Variants in ROBO2 observed in about 807,000 individuals in gnomAD.
ROBO2 encodes roundabout guidance receptor 2, also known as roundabout homolog 2.
Under a neutral mutation model 160.8 loss-of-function variants are expected in ROBO2, and 53 were observed. The ratio of observed to expected loss-of-function variants is 0.33; its 90% CI spans 0.26 to 0.41. The LOEUF (loss-of-function observed/expected upper bound fraction) is 0.41, where lower values mean the gene tolerates loss of function less well. Among genes scored for constraint, ROBO2 ranks in the 10% least tolerant of loss-of-function variants. The probability of loss-of-function intolerance (pLI) is 1.00; values close to 1 mark genes in which losing one functional copy is unlikely to be tolerated. For missense variants in ROBO2, 1,577 were observed against 1,722.4 expected, an observed-to-expected ratio of 0.92 and a Z score of 1.49; for synonymous variants, 664 against 611.7, an observed-to-expected ratio of 1.09 and a Z score of -1.26.
At chr3:76,213,343 T>G (rs1703272868) in intron 2 of ROBO2, among the ~76,000 whole-genome samples, 1 of 152,098 alleles carries the variant, frequency 6.6e-6, no homozygotes, top group African/African-American at 2.4e-5. Context: ...AACTAGTCTT[T>G]TAAAGAAGTG....
At chr3:76,298,762 C>T (rs1709211496) in intron 2 of ROBO2, among the ~76,000 whole-genome samples, 1 of 152,050 alleles carries the variant, frequency 6.6e-6, no homozygotes, top group Non-Finnish European at 1.5e-5. Flanking sequence ...GTCATAGAGC[C>T]AGGATTCCAT....
chr3:77,455,821 A>G (rs1381763693), intron 2 of ROBO2, among the ~76,000 whole-genome samples: 2 of 151,642 alleles, frequency 1.3e-5, no homozygotes, highest in Non-Finnish European at 2.9e-5. Flanking sequence ...CCATCATCCT[A>G]TATATCATCT....
intron 2 of ROBO2, among the ~76,000 whole-genome samples, chr3:76,104,809 T>C (rs562056706): frequency 1.1e-3 from 174 of 152,322 alleles, no homozygotes; most frequent in African/African-American, 2.6e-3. Flanking sequence ...GGAAGTGTTT[T>C]AGAGCAGTGA....
intron 2 of ROBO2, among the ~76,000 whole-genome samples, chr3:76,446,729 T>G (rs1355857026): frequency 6.6e-6 from 1 of 151,994 alleles, no homozygotes; most frequent in Non-Finnish European, 1.5e-5. Context: ...CCCTCAGAAA[T>G]AATACCACAC....
chr3:76,009,794 T>C (rs151122278), intron 2 of ROBO2, among the ~76,000 whole-genome samples: 5 of 152,228 alleles, frequency 3.3e-5, no homozygotes, highest in African/African-American at 1.2e-4. Flanking sequence ...TCCTTAAAGG[T>C]TGGCATGTAA....
At chr3:75,942,320 G>A (rs2107089119) in intron 2 of ROBO2, among the ~76,000 whole-genome samples, 1 of 152,198 alleles carries the variant, frequency 6.6e-6, no homozygotes, top group South Asian at 2.1e-4. Context: ...AGAGAGGTGA[G>A]CTCAGACATT....
chr3:77,088,334 C>A (rs1028851953), intron 1 of ROBO2, among the ~76,000 whole-genome samples: 2 of 152,122 alleles, frequency 1.3e-5, no homozygotes, highest in Non-Finnish European at 2.9e-5. Context: ...TTTTAAAGAT[C>A]TTTGCTGAAT....
intron 2 of ROBO2, among the ~76,000 whole-genome samples, chr3:77,455,054 A>G (rs1314648887): frequency 1.3e-5 from 2 of 152,208 alleles, no homozygotes; most frequent in African/African-American, 4.8e-5. Context: ...AATAGTCACT[A>G]GCTTGTAATT....
At chr3:77,539,752 A>T (rs1178339472) in intron 6 of ROBO2, among the ~76,000 whole-genome samples, 1 of 152,188 alleles carries the variant, frequency 6.6e-6, no homozygotes, top group African/African-American at 2.4e-5. Context: ...TTCAAACTGA[A>T]CTAAGGAAGT....
intron 2 of ROBO2, among the ~76,000 whole-genome samples, chr3:76,949,993 T>C (rs970475409): frequency 1.3e-5 from 2 of 152,248 alleles, no homozygotes; most frequent in Non-Finnish European, 2.9e-5. Context: ...CTATTCTCTT[T>C]CTCTGTACAA....
chr3:76,773,561 T>C (rs958256258), intron 2 of ROBO2, among the ~76,000 whole-genome samples: 59 of 133,216 alleles, frequency 4.4e-4, no homozygotes, highest in Admixed American at 6.8e-4. Context: ...AAGGGTCTTA[T>C]TTTTTTACAA....
At chr3:77,229,764 G>A (rs1178253732) in intron 2 of ROBO2, among the ~76,000 whole-genome samples, 1 of 151,802 alleles carries the variant, frequency 6.6e-6, no homozygotes, top group Non-Finnish European at 1.5e-5. Flanking sequence ...CTGGGGCACC[G>A]CCATTCTCTC....
intron 2 of ROBO2, among the ~76,000 whole-genome samples, chr3:76,900,955 C>T (rs2075178300): frequency 6.6e-6 from 1 of 152,122 alleles, no homozygotes; most frequent in Non-Finnish European, 1.5e-5. Flanking sequence ...GTTGTTTAGG[C>T]TGAATAATCT....
intron 2 of ROBO2, among the ~76,000 whole-genome samples, chr3:77,238,624 A>G (rs2088456730): frequency 6.6e-6 from 1 of 152,176 alleles, no homozygotes; most frequent in Non-Finnish European, 1.5e-5. Flanking sequence ...AACTCCAAGT[A>G]TATTTTAAAT....
chr3:77,376,965 A>C (rs2072769852), intron 2 of ROBO2, among the ~76,000 whole-genome samples: 1 of 152,168 alleles, frequency 6.6e-6, no homozygotes, highest in African/African-American at 2.4e-5. Context: ...GTGTCACCTA[A>C]AATTATTTCC....
intron 2 of ROBO2, among the ~76,000 whole-genome samples, chr3:76,355,685 C>G (rs1312936508): frequency 6.6e-6 from 1 of 151,706 alleles, no homozygotes; most frequent in African/African-American, 2.4e-5. Flanking sequence ...ATAAAAAATT[C>G]TTAAAATAGA....
chr3:76,741,691 AC>A (rs2093803914), intron 2 of ROBO2, among the ~76,000 whole-genome samples: 3 of 125,548 alleles, frequency 2.4e-5, no homozygotes, highest in Admixed American at 1.7e-4. Flanking sequence ...AAGAATACAA[AC>A]TTTTTTCTGT....
intron 2 of ROBO2, among the ~76,000 whole-genome samples, chr3:77,362,317 G>C (rs2070143890): frequency 6.6e-6 from 1 of 152,154 alleles, no homozygotes; most frequent in Non-Finnish European, 1.5e-5. Context: ...TTATAGCCAA[G>C]AAGTAGAGTG....
chr3:77,631,454 T>C (rs990527705), intron 23 of ROBO2: 6 of 152,214 alleles, frequency 3.9e-5, no homozygotes, highest in African/African-American at 1.4e-4. Flanking sequence ...AATCTTAAAT[T>C]AGTTTCTTAC....
Sources: gnomAD v4.1 joint callset for allele counts (sites outside exome capture counted in the v4.1 genomes callset) on GRCh38, gnomAD v4.1.1 for gene constraint, MANE v1.5 for transcripts, NCBI Gene and HGNC (gene_info 2026-07-23, HGNC 2026-07-21) for gene names.